CTXND2: variants seen among roughly 807,000 people sequenced by gnomAD.
The protein encoded by CTXND2 is cortexin domain containing 2.
chr1:150,890,754 C>T (rs1280086181), intron 1 of CTXND2, among the ~76,000 whole-genome samples: 6 of 152,122 alleles, frequency 3.9e-5, no homozygotes, highest in East Asian at 1.9e-4. Flanking sequence ...CCACCCGCCT[C>T]GGCACCCCAA....
intron 1 of CTXND2, among the ~76,000 whole-genome samples, chr1:150,909,089 C>T (rs762668527): frequency 1.1e-4 from 17 of 150,724 alleles, no homozygotes; most frequent in Non-Finnish European, 2.1e-4. Flanking sequence ...AAATACAAAA[C>T]GTAGCCGGGC....
chr1:150,890,331 CA>C (rs1157685347), intron 1 of CTXND2, among the ~76,000 whole-genome samples: 1 of 149,552 alleles, frequency 6.7e-6, no homozygotes, highest in Non-Finnish European at 1.5e-5. Flanking sequence ...AGATTTGGCT[CA>C]AGGTAAAAAA....
chr1:150,898,233 C>T (rs587760347), intron 1 of CTXND2, among the ~76,000 whole-genome samples: 35 of 152,012 alleles, frequency 2.3e-4, no homozygotes, highest in African/African-American at 7.0e-4. Context: ...TCAGAAATTC[C>T]CCCATTAAGG....
At chr1:150,902,267 C>T (rs1308167371) in intron 1 of CTXND2, among the ~76,000 whole-genome samples, 3 of 151,916 alleles carry the variant, frequency 2.0e-5, no homozygotes, top group Non-Finnish European at 4.4e-5. Context: ...ATTAGCCAGG[C>T]GTGGTGGTGG....
At chr1:150,898,907 C>A (rs1458240072) in intron 1 of CTXND2, among the ~76,000 whole-genome samples, 1 of 134,154 alleles carries the variant, frequency 7.5e-6, no homozygotes, top group African/African-American at 2.7e-5. Context: ...GAAACCCTGT[C>A]TCTACTAAAA....
intron 1 of CTXND2, among the ~76,000 whole-genome samples, chr1:150,907,892 G>A (rs969097327): frequency 6.6e-6 from 1 of 151,890 alleles, no homozygotes; most frequent in Non-Finnish European, 1.5e-5. Context: ...TGTATTTTTA[G>A]TAGAGATGGG....
intron 1 of CTXND2, among the ~76,000 whole-genome samples, chr1:150,900,811 A>G (rs896494134): frequency 6.6e-6 from 1 of 152,162 alleles, no homozygotes; most frequent in Non-Finnish European, 1.5e-5. Context: ...TGAACAGACC[A>G]TTTACATAAA....
At chr1:150,910,630 ATT>A (rs200364038) in intron 1 of CTXND2, among the ~76,000 whole-genome samples, 19 of 129,830 alleles carry the variant, frequency 1.5e-4, no homozygotes, top group African/African-American at 3.8e-4. Flanking sequence ...TGGACTCTCA[ATT>A]TTTTTTTTTT....
intron 1 of CTXND2, among the ~76,000 whole-genome samples, chr1:150,908,978 G>A (rs1669200646): frequency 6.6e-6 from 1 of 151,824 alleles, no homozygotes; most frequent in Non-Finnish European, 1.5e-5. Context: ...AGTGGGTCAC[G>A]CCTGTAATCC....
intron 1 of CTXND2, among the ~76,000 whole-genome samples, chr1:150,910,118 C>CT (rs1488769286): frequency 6.9e-6 from 1 of 144,118 alleles, no homozygotes; most frequent in East Asian, 2.0e-4. Flanking sequence ...TTTCTTTTTT[C>CT]TGTTTTTTTT....
intron 1 of CTXND2, among the ~76,000 whole-genome samples, chr1:150,900,297 A>G (rs1668986096): frequency 1.3e-5 from 2 of 151,990 alleles, no homozygotes; most frequent in African/African-American, 4.8e-5. Flanking sequence ...TAAGAGCTGT[A>G]ACACTCACTG....
chr1:150,900,915 G>A (rs1213725114), intron 1 of CTXND2, among the ~76,000 whole-genome samples: 1 of 152,108 alleles, frequency 6.6e-6, no homozygotes, highest in African/African-American at 2.4e-5. Flanking sequence ...AGGAGTTCGA[G>A]ACCAGCTTGG....
intron 1 of CTXND2, among the ~76,000 whole-genome samples, chr1:150,900,327 T>C (rs1668987160): frequency 1.3e-5 from 2 of 150,766 alleles, no homozygotes; most frequent in South Asian, 2.1e-4. Flanking sequence ...GCGGCTTCAC[T>C]CCTAAAGTCA....
intron 1 of CTXND2, among the ~76,000 whole-genome samples, chr1:150,902,144 G>A (rs4970928): frequency 0.34 from 51,938 of 151,762 alleles, 9,403 homozygotes; most frequent in South Asian, 0.53. Flanking sequence ...GCTCACGCCT[G>A]TAATCCCAGC....
At chr1:150,898,258 A>T (rs889068483) in intron 1 of CTXND2, among the ~76,000 whole-genome samples, 3 of 152,028 alleles carry the variant, frequency 2.0e-5, no homozygotes, top group Non-Finnish European at 4.4e-5. Flanking sequence ...TTATCTGCAG[A>T]TGCCTCAGAG....
intron 1 of CTXND2, among the ~76,000 whole-genome samples, chr1:150,909,187 G>A (rs1081512): frequency 0.42 from 60,915 of 146,676 alleles, 14,609 homozygotes; most frequent in Non-Finnish European, 0.54. Context: ...GCAGTGAGCC[G>A]AGATCACGCC....
chr1:150,907,626 A>G (rs924734219), intron 1 of CTXND2, among the ~76,000 whole-genome samples: 1 of 151,218 alleles, frequency 6.6e-6, no homozygotes, highest in Non-Finnish European at 1.5e-5. Flanking sequence ...ACATTCTTGT[A>G]TAAGTTTTTG....
At chr1:150,887,585 A>C (rs984869182) in intron 1 of CTXND2, among the ~76,000 whole-genome samples, 1 of 152,092 alleles carries the variant, frequency 6.6e-6, no homozygotes, top group African/African-American at 2.4e-5. Context: ...ACGAAAAGTT[A>C]AACTTTCATC....
intron 1 of CTXND2, among the ~76,000 whole-genome samples, chr1:150,908,513 T>C (rs1231234683): frequency 1.3e-5 from 2 of 152,218 alleles, no homozygotes; most frequent in African/African-American, 2.4e-5. Context: ...ACTAATTACG[T>C]TGACCATTTA....
Sources: allele counts gnomAD v4.1 joint callset (sites outside exome capture counted in the v4.1 genomes callset), GRCh38; gene constraint gnomAD v4.1.1; transcripts MANE v1.5; gene names NCBI Gene and HGNC (gene_info 2026-07-23, HGNC 2026-07-21).